CHMP3: variants seen among roughly 807,000 people sequenced by gnomAD.
The protein encoded by CHMP3 is charged multivesicular body protein 3.
Under a neutral mutation model 27.4 loss-of-function variants are expected in CHMP3, and 8 were observed. The ratio of observed to expected loss-of-function variants is 0.29; its 90% CI spans 0.17 to 0.53. The LOEUF (loss-of-function observed/expected upper bound fraction) is 0.53, where lower values mean the gene tolerates loss of function less well. Among genes scored for constraint, CHMP3 ranks in the 20% least tolerant of loss-of-function variants. The pLI is 0.96. For synonymous variants in CHMP3, 86 were observed against 85.5 expected (o/e 1.01, Z -0.03); for missense variants, 208 against 271.5 (o/e 0.77, Z 1.64).
At chr2:86,508,331 A>G (rs557756489) in intron 4 of CHMP3, among the ~76,000 whole-genome samples, 2 of 152,286 alleles carry the variant, frequency 1.3e-5, no homozygotes, top group East Asian at 3.9e-4. Flanking sequence ...GGCCCAACCC[A>G]ACCTAGCCCT....
At chr2:86,560,791 G>A (rs1677322410) in intron 1 of CHMP3, among the ~76,000 whole-genome samples, 1 of 152,042 alleles carries the variant, frequency 6.6e-6, no homozygotes, top group Admixed American at 6.5e-5. Context: ...CTTTTGGGGA[G>A]GCCTCAGGAA....
chr2:86,510,269 TC>T, intron 4 of CHMP3, 88 bp downstream of exon 4: 1 of 1,369,628 alleles, frequency 7.3e-7, no homozygotes, highest in Non-Finnish European at 1.0e-6. Context: ...AGTCTGTTCA[TC>T]CCCACCCACC....
At position 86,563,344 on chromosome 2, in the gene CHMP3, C is replaced by G. The variant is rs1382997162; in HGVS notation, c.5G>C (p.Gly2Ala). The G allele has an allele frequency of 1.1e-5, 17 of 1,614,122 alleles. No homozygotes were observed. Among genetic ancestry groups the G allele is most frequent in the Non-Finnish European group, 1.4e-5 (17 of 1,179,978 alleles). Reference protein sequence around the residue: MGLFGKTQEKPP... With the variant: MALFGKTQEKPP... ...CTTCTCCTGGGTCTTTCCAAACAGC[C>G]CCATGACGAACTGAACCCGTCTTGC... Residue 2 changes from glycine to alanine, a missense_variant, in exon 1 of 6, where the codon GGG (glycine) becomes GCG (alanine). Coordinates refer to ENST00000263856, the MANE Select transcript of CHMP3 (RefSeq NM_016079.4).
At chr2:86,563,059 G>A (rs923226968) in intron 1 of CHMP3, 6 of 452,718 alleles carry the variant, frequency 1.3e-5, no homozygotes, top group Middle Eastern at 6.0e-4. Context: ...GCTCAGTGGC[G>A]AGGTGGAGAA....
At chr2:86,511,938 G>C (rs913171732) in intron 3 of CHMP3, 1 of 152,102 alleles carries the variant, frequency 6.6e-6, no homozygotes, top group African/African-American at 2.4e-5. Flanking sequence ...CTGATTATTA[G>C]AAGGTACAAG....
At chr2:86,549,407 A>G (rs1487644003) in intron 1 of CHMP3, among the ~76,000 whole-genome samples, 40 of 142,932 alleles carry the variant, frequency 2.8e-4, no homozygotes, top group Non-Finnish European at 2.7e-4. Flanking sequence ...CTCCCTTCCC[A>G]GACGGGGCGG....
chr2:86,536,246 C>T (rs1461866243), intron 2 of CHMP3, among the ~76,000 whole-genome samples: 2 of 152,062 alleles, frequency 1.3e-5, no homozygotes, highest in African/African-American at 4.8e-5. Flanking sequence ...GATCCGCCCG[C>T]CTCGGCCTCC....
chr2:86,540,952 T>C (rs903335383), intron 2 of CHMP3: 11 of 152,038 alleles, frequency 7.2e-5, no homozygotes, highest in Admixed American at 7.2e-4. Context: ...GGCCACTGTA[T>C]ATGTTTCATT....
At chr2:86,563,232 T>C (rs1375656678) in intron 1 of CHMP3, 72 bp downstream of exon 1, 3 of 1,561,844 alleles carry the variant, frequency 1.9e-6, no homozygotes, top group Non-Finnish European at 2.6e-6. Flanking sequence ...GAGAAGAGTG[T>C]CCTGTCATTT....
intron 1 of CHMP3, among the ~76,000 whole-genome samples, chr2:86,547,874 A>C (rs1043348255): frequency 1.3e-5 from 2 of 152,240 alleles, no homozygotes; most frequent in African/African-American, 4.8e-5. Context: ...TTTGAAAACC[A>C]CAAGGAACCT....
intron 3 of CHMP3, among the ~76,000 whole-genome samples, chr2:86,518,574 G>T (rs1016240375): frequency 6.6e-6 from 1 of 152,118 alleles, no homozygotes; most frequent in Non-Finnish European, 1.5e-5. Flanking sequence ...ATGTGGGCTG[G>T]AGTATCTCAA....
intron 2 of CHMP3, 84 bp downstream of exon 2, chr2:86,542,163 TTATGA>T (rs1349371695): frequency 2.2e-6 from 3 of 1,359,496 alleles, no homozygotes; most frequent in Non-Finnish European, 3.1e-6. Context: ...AAACTATGTC[TTATGA>T]TATATAAATG....
intron 1 of CHMP3, among the ~76,000 whole-genome samples, chr2:86,561,177 T>A (rs1248760037): frequency 6.6e-6 from 1 of 152,252 alleles, no homozygotes; most frequent in Admixed American, 6.5e-5. Context: ...GTAGTATAAA[T>A]GGCATGATAA....
Position 86,504,142 on chromosome 2 carries a change from G to GCAGTGAAA in CHMP3, c.*1654_*1661dup, listed in dbSNP as rs1395723778. ...AGGTGAAGCATAGAGAAGTTTTAGG[G>GCAGTGAAA]CAGTGAAACTATTCTGTATGATTCT... On this transcript the variant is annotated 3_prime_UTR_variant, in exon 6 of 6. Transcript: ENST00000263856. 6.6e-6 allele frequency: 1 copy of GCAGTGAAA among 152,120 alleles called. No homozygotes were observed. The highest frequency in any genetic ancestry group is 1.5e-5 in the Non-Finnish European group (1 of 68,042). The allele number at this position is 152,120 out of a possible 1,614,324, so 9.4% of individuals were successfully genotyped here. A position where few individuals can be genotyped will look rare whatever the true frequency, so the allele number is the denominator to read the frequency against.
At chr2:86,556,995 G>C (rs527385111) in intron 1 of CHMP3, among the ~76,000 whole-genome samples, 1 of 152,318 alleles carries the variant, frequency 6.6e-6, no homozygotes, top group East Asian at 1.9e-4. Context: ...GTGGATGATA[G>C]AGAATAAACA....
Position 86,550,143 on chromosome 2 carries a change from C to T in CHMP3, c.46-7831G>A, listed in dbSNP as rs193104024. 2.9e-3 allele frequency among the ~76,000 whole-genome samples: 438 copies of T among 152,300 alleles called. 3 individuals are homozygous for T. The highest frequency in any genetic ancestry group is 9.5e-3 in the South Asian group (46 of 4,828). ...GCAATCCCAGCACCCCGGGAGGCCA[C>T]GACGGGCAGACCACTTGAGGTCAGG... On this transcript the variant is annotated intron_variant, in intron 1 of 5. Transcript: ENST00000263856.
At chr2:86,546,812 T>G (rs945239781) in intron 1 of CHMP3, among the ~76,000 whole-genome samples, 29 of 152,210 alleles carry the variant, frequency 1.9e-4, no homozygotes, top group African/African-American at 6.8e-4. Flanking sequence ...TCATATCTTC[T>G]GCCCATTTTT....
intron 1 of CHMP3, among the ~76,000 whole-genome samples, chr2:86,543,092 C>A (rs77154307): frequency 0.018 from 2,794 of 152,278 alleles, 94 homozygotes; most frequent in African/African-American, 0.064. Flanking sequence ...CATTTTATTA[C>A]ATCAACAAGG....
chr2:86,512,413 C>A (rs1382974793), intron 3 of CHMP3: 1 of 152,186 alleles, frequency 6.6e-6, no homozygotes, highest in Non-Finnish European at 1.5e-5. Flanking sequence ...AAATAAAATT[C>A]TACTCTGAAT....
Sources: gnomAD v4.1 joint callset for allele counts (sites outside exome capture counted in the v4.1 genomes callset) on GRCh38, gnomAD v4.1.1 for gene constraint, MANE v1.5 for transcripts, NCBI Gene and HGNC (gene_info 2026-07-23, HGNC 2026-07-21) for gene names.